The following MACROD2 variants were observed in gnomAD, a reference collection of about 807,000 sequenced individuals.
MACROD2 encodes the protein mono-ADP ribosylhydrolase 2.
A neutral mutation model predicts 70.4 loss-of-function variants in MACROD2; 36 were observed. The ratio of observed to expected loss-of-function variants is 0.51; its 90% confidence interval spans 0.39 to 0.68. The LOEUF is 0.68. Ranked by LOEUF, MACROD2 falls within the 30% of genes least tolerant of loss-of-function variation. The pLI is 0.00. For missense variants in MACROD2, 496 were observed against 538.4 expected (o/e 0.92, Z 0.78); for synonymous variants, 172 against 178.8 (o/e 0.96, Z 0.30).
chr20:15,222,858 G>C (rs1349995618), intron 5 of MACROD2, among the ~76,000 whole-genome samples: 1 of 152,162 alleles, frequency 6.6e-6, no homozygotes, highest in Non-Finnish European at 1.5e-5. Context: ...TTTTGCCAAG[G>C]ATAAGTCTGA....
At chr20:15,050,648 G>A (rs1195374348) in intron 5 of MACROD2, among the ~76,000 whole-genome samples, 1 of 147,348 alleles carries the variant, frequency 6.8e-6, no homozygotes, top group Non-Finnish European at 1.5e-5. Flanking sequence ...TTCACGCTAG[G>A]TTTCTTCTTA....
intron 9 of MACROD2, among the ~76,000 whole-genome samples, chr20:15,864,622 T>A (rs1272291239): frequency 6.6e-6 from 1 of 152,274 alleles, no homozygotes; most frequent in East Asian, 1.9e-4. Context: ...AAATTTTTTT[T>A]AAAATGAGAC....
chr20:15,740,566 C>T (rs1213643780), intron 8 of MACROD2, among the ~76,000 whole-genome samples: 1 of 152,138 alleles, frequency 6.6e-6, no homozygotes. Context: ...TAAAGCTATA[C>T]TTCTTGTCCA....
At chr20:14,285,372 G>T (rs573995488) in intron 3 of MACROD2, among the ~76,000 whole-genome samples, 1 of 152,122 alleles carries the variant, frequency 6.6e-6, no homozygotes, top group Non-Finnish European at 1.5e-5. Context: ...GTCAGGCATC[G>T]AATTTTCCAC....
chr20:14,067,509 TCTC>T (rs1052656827), intron 2 of MACROD2, among the ~76,000 whole-genome samples: 4 of 152,234 alleles, frequency 2.6e-5, no homozygotes, highest in Non-Finnish European at 5.9e-5. Flanking sequence ...GAAATGTGCT[TCTC>T]CTTTTCTTTG....
chr20:15,132,111 G>C (rs2076110484), intron 5 of MACROD2, among the ~76,000 whole-genome samples: 1 of 151,830 alleles, frequency 6.6e-6, no homozygotes, highest in Non-Finnish European at 1.5e-5. Flanking sequence ...CCAAGAAAAG[G>C]GCTAAGTGAG....
At chr20:15,346,978 G>A (rs776089784) in intron 6 of MACROD2, among the ~76,000 whole-genome samples, 24 of 152,170 alleles carry the variant, frequency 1.6e-4, no homozygotes, top group Middle Eastern at 3.2e-3. Context: ...AGGTGCTAGA[G>A]AGAAAAGCAG....
Position 15,141,802 on chromosome 20 carries a change from G to A in MACROD2, c.419-88138G>A, listed in dbSNP as rs540208548. On this transcript the variant is annotated intron_variant, in intron 5 of 17. Coordinates refer to ENST00000684519, the MANE Select transcript of MACROD2 (RefSeq NM_001351661.2). Reference sequence around the variant, plus strand: ...CAGAAACTTTTGCTAGATCCTTACTGTGTGAAAAATGAATGCCTCATAGCA... The same window carrying A: ...CAGAAACTTTTGCTAGATCCTTACTATGTGAAAAATGAATGCCTCATAGCA... 3.9e-5 allele frequency among the ~76,000 whole-genome samples: 6 copies of A among 152,134 alleles called. No individual in the cohort carries two copies. The South Asian group carries it at 1.2e-3, about 32-fold the overall frequency.
chr20:14,738,783 A>C (rs112417638), intron 5 of MACROD2, among the ~76,000 whole-genome samples: 1 of 151,984 alleles, frequency 6.6e-6, no homozygotes, highest in African/African-American at 2.4e-5. Flanking sequence ...AAATAAAATT[A>C]AAAGAGAAAT....
At chr20:15,405,600 C>T (rs998298217) in intron 6 of MACROD2, among the ~76,000 whole-genome samples, 1 of 152,174 alleles carries the variant, frequency 6.6e-6, no homozygotes, top group African/African-American at 2.4e-5. Context: ...TCGCCTTCTC[C>T]ACCATGGGGA....
chr20:15,311,712 A>T (rs1002486107), intron 6 of MACROD2, among the ~76,000 whole-genome samples: 5 of 152,202 alleles, frequency 3.3e-5, no homozygotes, highest in Non-Finnish European at 7.3e-5. Context: ...ATGTTCTCAC[A>T]TATAAGTGGG....
chr20:15,673,101 A>T (rs2050005519), intron 8 of MACROD2, among the ~76,000 whole-genome samples: 1 of 152,134 alleles, frequency 6.6e-6, no homozygotes, highest in Non-Finnish European at 1.5e-5. Context: ...TGTCTTTATT[A>T]ACAGTGTGTA....
At chr20:15,725,052 A>G (rs2050841412) in intron 8 of MACROD2, among the ~76,000 whole-genome samples, 1 of 152,208 alleles carries the variant, frequency 6.6e-6, no homozygotes, top group African/African-American at 2.4e-5. Context: ...ACTCCACTCC[A>G]GCCTGGGCGA....
At chr20:14,143,583 G>T (rs1341685012) in intron 3 of MACROD2, among the ~76,000 whole-genome samples, 2 of 152,034 alleles carry the variant, frequency 1.3e-5, no homozygotes, top group African/African-American at 4.8e-5. Context: ...GTGCAAGAAG[G>T]TTTAGTGTGT....
chr20:15,089,587 G>A lies in MACROD2; in HGVS notation c.419-140353G>A, dbSNP rs555140970. Among the ~76,000 whole-genome samples the A allele has an allele frequency of 4.6e-5, 7 of 152,102 alleles. No individual in the cohort carries two copies. In the South Asian group the frequency reaches 1.5e-3, roughly 32 times the overall value. On this transcript the variant is annotated intron_variant, in intron 5 of 17. Coordinates refer to ENST00000684519, the MANE Select transcript of MACROD2 (RefSeq NM_001351661.2). ...ATAGCATAATGTATTTTATGCCCAT[G>A]GCCCAAAGCAAAAGGTCTCCTTTTG...
intron 10 of MACROD2, among the ~76,000 whole-genome samples, chr20:15,932,355 T>C (rs568621892): frequency 6.6e-6 from 1 of 152,174 alleles, no homozygotes; most frequent in East Asian, 1.9e-4. Flanking sequence ...CCACCATATT[T>C]CATTGGTCTA....
intron 5 of MACROD2, among the ~76,000 whole-genome samples, chr20:15,108,501 T>C (rs2075929393): frequency 6.6e-6 from 1 of 152,146 alleles, no homozygotes; most frequent in African/African-American, 2.4e-5. Context: ...CTATACCTAA[T>C]GATAGCTGGC....
chr20:14,231,638 C>A (rs1201283347), intron 3 of MACROD2, among the ~76,000 whole-genome samples: 2 of 152,116 alleles, frequency 1.3e-5, no homozygotes, highest in Non-Finnish European at 2.9e-5. Context: ...GATTTATAAT[C>A]CTTTGGGTAT....
intron 8 of MACROD2, among the ~76,000 whole-genome samples, chr20:15,528,004 A>T (rs1260072263): frequency 6.6e-6 from 1 of 152,216 alleles, no homozygotes; most frequent in Non-Finnish European, 1.5e-5. Flanking sequence ...ATCTGCTGTT[A>T]TATCTCCAGT....
Sources: gnomAD v4.1 joint callset for allele counts (sites outside exome capture counted in the v4.1 genomes callset) on GRCh38, gnomAD v4.1.1 for gene constraint, MANE v1.5 for transcripts, NCBI Gene and HGNC (gene_info 2026-07-23, HGNC 2026-07-21) for gene names.